Variants in RHEBL1 observed in about 807,000 individuals in gnomAD.
RHEBL1 encodes the protein RHEB like 1.
Under a neutral mutation model 27.4 loss-of-function variants are expected in RHEBL1, and 22 were observed. The ratio of observed to expected loss-of-function variants is 0.80; its 90% CI spans 0.57 to 1.15. The LOEUF (loss-of-function observed/expected upper bound fraction) is 1.15. RHEBL1 is among the 50% of genes most tolerant of loss of function. RHEBL1 has a pLI of 0.00. For synonymous variants in RHEBL1, 85 were observed against 80.8 expected (o/e 1.05, Z -0.28); for missense variants, 186 against 226.5 (o/e 0.82, Z 1.15).
In RHEBL1 at chr12:49,069,775, A is replaced by G; in HGVS notation, c.11T>C (p.Val4Ala). The change falls in exon 1 of 8, where the codon GTC becomes GCC. Residue 4 changes from valine to alanine, a missense_variant. Transcript: ENST00000301068. ...GAGGATGACCACCTTCCTGTAGCGG[A>G]CTAGCGGCATGGCAGGAGCCCGCCC... MPL[V>A]RYRKVVILGY... The G allele has an allele frequency of 6.2e-7, 1 of 1,613,542 alleles. No homozygotes were observed. Among genetic ancestry groups the G allele is most frequent in the Non-Finnish European group, 8.5e-7 (1 of 1,179,816 alleles).
In RHEBL1 at chr12:49,069,083, A is replaced by G; in HGVS notation, c.76T>C (p.Phe26Leu). The G allele has an allele frequency of 6.2e-7, 1 of 1,614,082 alleles. No homozygotes were observed. Among genetic ancestry groups the G allele is most frequent in the Non-Finnish European group, 8.5e-7 (1 of 1,179,986 alleles). ...CCTTCCGAGAACTCGCCTTCCACAA[A>G]TTGATGTGCCAAAGATGTCTTCCCT... ...CVGKTSLAHQFVEGEFSEGYD... is the reference protein window; with the variant it reads ...CVGKTSLAHQLVEGEFSEGYD... Residue 26 changes from phenylalanine to leucine, a missense_variant, in exon 2 of 8, where the codon TTT (phenylalanine) becomes CTT (leucine). Physicochemically the swap from Phe to Leu is conservative, Grantham distance 22 (BLOSUM62 0). Around this residue, in one of 3 missense-constraint regions of RHEBL1, gnomAD observed 62 missense variants for 62.1 expected, o/e 1.00. Coordinates refer to ENST00000301068, the MANE Select transcript of RHEBL1 (RefSeq NM_144593.3).
rs1938994350 is a variant in RHEBL1 at position 49,066,233 on chromosome 12, C to T, written c.378G>A (p.Glu126=). 6.2e-7 allele frequency: 1 copy of T among 1,613,664 alleles called. No homozygotes were observed. Among genetic ancestry groups the T allele is most frequent in the Non-Finnish European group, 8.5e-7 (1 of 1,179,552 alleles). The change falls in exon 6 of 8, where the codon GAG becomes GAA. Residue 126 remains glutamate, a splice_region_variant and synonymous_variant. Transcript: ENST00000301068. ...LVGNKADLSP[E]REVQAVEGKK... is the part of the protein sequence containing the mutation. ...CTGAGTAGCAGAGATTTACATACCT[C>T]TCTGGAGAGAGATCTGCCTTGTTCC...
Position 49,065,113 on chromosome 12 carries a change from T to C in RHEBL1, c.542A>G (p.His181Arg). 6.2e-7 allele frequency: 1 copy of C among 1,613,086 alleles called. No individual in the cohort carries two copies. Among genetic ancestry groups the C allele is most frequent in the Non-Finnish European group, 8.5e-7 (1 of 1,179,112 alleles). ...ENSYGQERRC[H>R]LM ...CCCACACCCAAGGGCTCACATGAGATGGCAGCGACGCTCTTGCCCATAGGA... is the reference window on the plus strand; with the variant it reads ...CCCACACCCAAGGGCTCACATGAGACGGCAGCGACGCTCTTGCCCATAGGA... Residue 181 changes from histidine to arginine, a missense_variant, in exon 8 of 8, where the codon CAT becomes CGT. This residue lies in a region of RHEBL1 where 90 missense variants were observed against 95.2 expected (regional missense o/e 0.95). Coordinates refer to ENST00000301068, the MANE Select transcript of RHEBL1 (RefSeq NM_144593.3).
In RHEBL1 at chr12:49,066,811, CT is replaced by C. The variant is rs762219316; in HGVS notation, c.193-111del. ...CCTGGGGCACGCCCTACTATAGTCA[CT>C]TCAACATGTATTTATGGAACAGCTC... On this transcript the variant is annotated intron_variant, in intron 3 of 7. Coordinates refer to ENST00000301068, the MANE Select transcript of RHEBL1 (RefSeq NM_144593.3). 398 of 1,142,742 alleles carry C rather than the reference CT, an allele frequency of 3.5e-4. 3 individuals are homozygous for C. Among genetic ancestry groups the C allele is most frequent in the Non-Finnish European group, 5.0e-4 (378 of 757,796 alleles). The allele number at this position is 1,142,742 out of a possible 1,614,324, so 70.8% of individuals were successfully genotyped here. A position where few individuals can be genotyped will look rare whatever the true frequency, so the allele number is the denominator to read the frequency against.
intron 3 of RHEBL1, 68 bp downstream of exon 3, chr12:49,066,900 C>G: frequency 7.5e-7 from 1 of 1,337,132 alleles, no homozygotes; most frequent in Non-Finnish European, 1.1e-6. Context: ...GGATGAGCCA[C>G]AAAGACTACC....
In RHEBL1 at chr12:49,069,064, G is replaced by A. The variant is rs770760197; in HGVS notation, c.95C>T (p.Ser32Leu). 1.9e-6 allele frequency: 3 copies of A among 1,614,118 alleles called. No homozygotes were observed. Among genetic ancestry groups the A allele is most frequent in the East Asian group, 2.2e-5 (1 of 44,874 alleles). ...CTCCACTGTAGGATCGTAGCCTTCCGAGAACTCGCCTTCCACAAATTGATG... is the reference window on the plus strand; with the variant it reads ...CTCCACTGTAGGATCGTAGCCTTCCAAGAACTCGCCTTCCACAAATTGATG... ...LAHQFVEGEF[S>L]EGYDPTVENT... Residue 32 changes from serine to leucine, a missense_variant, in exon 2 of 8, where the codon TCG (serine) becomes TTG (leucine). By Grantham distance (145) the Ser-to-Leu change is moderately radical. Coordinates refer to ENST00000301068, the MANE Select transcript of RHEBL1 (RefSeq NM_144593.3).
At chr12:49,068,944 G>A in intron 2 of RHEBL1, 91 bp downstream of exon 2, 1 of 1,334,228 alleles carries the variant, frequency 7.5e-7, no homozygotes, top group Non-Finnish European at 1.0e-6. Flanking sequence ...TCAGCCCCTT[G>A]GCACCAGAGA....
At position 49,064,730 on chromosome 12, in the gene RHEBL1, AGCCAG is replaced by A; in HGVS notation, c.*368_*372del. ...GCATATATACATTGTCACCCCAGGG[AGCCAG>A]CTCTATTTCAGAAGTCCCCGGCTCC... is the stretch of plus-strand genomic sequence containing the variant. On this transcript the variant is annotated 3_prime_UTR_variant, in exon 8 of 8. Transcript: ENST00000301068. The A allele has an allele frequency of 4.5e-6, 1 of 223,468 alleles. No individual in the cohort carries two copies. Among genetic ancestry groups the A allele is most frequent in the East Asian group, 9.2e-5 (1 of 10,832 alleles). The allele number at this position is 223,468 out of a possible 1,614,324, so 13.8% of individuals were successfully genotyped here. A position where few individuals can be genotyped will look rare whatever the true frequency, so the allele number is the denominator to read the frequency against.
intron 2 of RHEBL1, among the ~76,000 whole-genome samples, chr12:49,068,429 CTTTTTT>C (rs56316449): frequency 2.0e-5 from 2 of 99,656 alleles, no homozygotes; most frequent in African/African-American, 9.0e-5. Context: ...CGGTGCCCAG[CTTTTTT>C]TTTTTTTTTT....
intron 1 of RHEBL1, 123 bp downstream of exon 1, chr12:49,069,611 C>T (rs937204019): frequency 4.6e-6 from 4 of 869,462 alleles, no homozygotes; most frequent in Non-Finnish European, 7.7e-6. Context: ...CTCTTCCAAT[C>T]CTCGCTCTAC....
chr12:49,068,924 T>C (rs1939041626), intron 2 of RHEBL1, 111 bp downstream of exon 2: 2 of 1,121,694 alleles, frequency 1.8e-6, no homozygotes, highest in Non-Finnish European at 2.6e-6. Context: ...AGATGTAATG[T>C]CTAAATAAAT....
rs1350680387 is a variant in RHEBL1, at chr12:49,065,181, G to A, written c.474C>T (p.Gly158=). 3 of 1,613,474 alleles carry A rather than the reference G, an allele frequency of 1.9e-6. No homozygotes were observed. Among genetic ancestry groups the A allele is most frequent in the East Asian group, 2.2e-5 (1 of 44,886 alleles). The part of the protein sequence containing the change: ...SSARENQLTQ[G]IFTKVIQEIA... ...TCTCCTGGATGACTTTGGTGAAGAT[G>A]CCTTGAGTCAGCTATAAGAGGAGAG... Residue 158 remains glycine (G), a synonymous_variant, in exon 8 of 8, where the codon GGC becomes GGT. Coordinates refer to ENST00000301068, the MANE Select transcript of RHEBL1 (RefSeq NM_144593.3).
chr12:49,067,019 C>T lies in RHEBL1; in HGVS notation c.141G>A (p.Val47=), dbSNP rs777646990. The T allele has an allele frequency of 9.3e-6, 15 of 1,613,508 alleles. No homozygotes were observed. Among genetic ancestry groups the T allele is most frequent in the Admixed American group, 1.7e-5 (1 of 59,998 alleles). ...PTVENTYSKI[V]TLGKDEFHLH... Reference sequence around the variant, plus strand: ...GGTGAAACTCATCTTTGCCAAGAGTCACTATCTTGCTGTAAGCTGAAAAGA... The same window carrying T: ...GGTGAAACTCATCTTTGCCAAGAGTTACTATCTTGCTGTAAGCTGAAAAGA... The change falls in exon 3 of 8, where the codon GTG becomes GTA. Residue 47 remains valine, a synonymous_variant. Coordinates refer to ENST00000301068, the MANE Select transcript of RHEBL1 (RefSeq NM_144593.3).
chr12:49,067,576 T>G (rs895574693), intron 2 of RHEBL1, among the ~76,000 whole-genome samples: 2 of 151,976 alleles, frequency 1.3e-5, no homozygotes, highest in African/African-American at 4.8e-5. Context: ...ACCAAGAGTT[T>G]GAGACCAGCC....
At chr12:49,069,003 C>T (rs1939042928) in intron 2 of RHEBL1, 32 bp downstream of exon 2, 16 of 1,597,464 alleles carry the variant, frequency 1.0e-5, no homozygotes, top group African/African-American at 1.3e-5. Flanking sequence ...GGGTCGCATA[C>T]CACCAGCACA....
At chr12:49,066,864 G>C in intron 3 of RHEBL1, 104 bp downstream of exon 3, 1 of 1,128,104 alleles carries the variant, frequency 8.9e-7, no homozygotes, top group Non-Finnish European at 1.4e-6. Context: ...CTGTTAGCAG[G>C]TAAAATGCTT....
chr12:49,067,870 T>C (rs544688077), intron 2 of RHEBL1, among the ~76,000 whole-genome samples: 2 of 152,294 alleles, frequency 1.3e-5, no homozygotes, highest in Admixed American at 1.3e-4. Context: ...TTTAATACAT[T>C]CATATAATTT....
intron 1 of RHEBL1, 100 bp from the exon 2 acceptor site, chr12:49,069,206 T>G: frequency 6.3e-7 from 1 of 1,598,324 alleles, no homozygotes; most frequent in Non-Finnish European, 8.5e-7. Context: ...GACCCCAAAT[T>G]AACACCACAG....
At chr12:49,068,837 TA>T (rs1939040398) in intron 2 of RHEBL1, among the ~76,000 whole-genome samples, 197 bp downstream of exon 2, 1 of 152,216 alleles carries the variant, frequency 6.6e-6, no homozygotes, top group Non-Finnish European at 1.5e-5. Context: ...TGTCTACATC[TA>T]AACTATCCCA....
Sources: gnomAD v4.1 joint callset for allele counts (sites outside exome capture counted in the v4.1 genomes callset) on GRCh38, gnomAD v4.1.1 for gene constraint, gnomAD v4.1.1 regional missense constraint, MANE v1.5 for transcripts, NCBI Gene and HGNC (gene_info 2026-07-23, HGNC 2026-07-21) for gene names.